SHLD2: variants seen among roughly 807,000 people sequenced by gnomAD.
SHLD2 encodes shieldin complex subunit 2.
A neutral mutation model predicts 73.2 loss-of-function variants in SHLD2; 30 were observed. That is an observed-to-expected ratio of 0.41 (90% CI 0.31 to 0.56). SHLD2 has a LOEUF of 0.56. Among genes scored for constraint, SHLD2 ranks in the 20% least tolerant of loss-of-function variants. SHLD2 has a pLI of 0.28. For synonymous variants in SHLD2, 285 were observed against 370.1 expected, an observed-to-expected ratio of 0.77 and a Z score of 2.64; for missense variants, 745 against 1,055.9, an observed-to-expected ratio of 0.71 and a Z score of 4.08.
intron 2 of SHLD2, among the ~76,000 whole-genome samples, chr10:87,123,845 G>A (rs1185690719): frequency 1.3e-5 from 2 of 152,166 alleles, no homozygotes; most frequent in African/African-American, 4.8e-5. Flanking sequence ...TTAGTTTGAG[G>A]ATAGTTATCT....
chr10:87,132,659 A>G (rs905221623), intron 2 of SHLD2, among the ~76,000 whole-genome samples: 5 of 152,040 alleles, frequency 3.3e-5, no homozygotes, highest in South Asian at 2.1e-4. Context: ...CTGTACTCCT[A>G]GCTACTTGCG....
At chr10:87,097,069 C>A (rs1186224206) in intron 2 of SHLD2, 80 bp downstream of exon 2, 1 of 152,100 alleles carries the variant, frequency 6.6e-6, no homozygotes, top group East Asian at 1.9e-4. Context: ...AAAAAACCCA[C>A]GGAGTTTCAG....
chr10:87,151,771 A>G lies in SHLD2; in HGVS notation c.417A>G (p.Gln139=). ...VPHFTEEEKY[Q]KLLSENKIRD... ...ATTTCACCGAAGAAGAAAAGTATCA[A>G]AAGCTTCTCAGTGAAAATAAAATTA... Residue 139 remains glutamine (Q), a synonymous_variant, in exon 3 of 10, where the codon CAA becomes CAG. Coordinates refer to ENST00000298786, the MANE Select transcript of SHLD2 (RefSeq NM_001330112.2). 2 of 1,612,020 alleles carry G rather than the reference A, an allele frequency of 1.2e-6. No homozygotes were observed. The highest frequency in any genetic ancestry group is 8.5e-7 in the Non-Finnish European group (1 of 1,179,860).
chr10:87,132,471 A>G (rs1844497271), intron 2 of SHLD2, among the ~76,000 whole-genome samples: 1 of 152,194 alleles, frequency 6.6e-6, no homozygotes, highest in Non-Finnish European at 1.5e-5. Context: ...ATTTGTTGTT[A>G]TTAATATTAA....
chr10:87,188,724 G>C (rs759814573), intron 9 of SHLD2, among the ~76,000 whole-genome samples: 8 of 152,132 alleles, frequency 5.3e-5, no homozygotes, highest in Non-Finnish European at 1.0e-4. Flanking sequence ...CTGTGCTCCT[G>C]TTCCATCTCC....
chr10:87,180,919 CAA>C (rs1260249879), intron 8 of SHLD2, among the ~76,000 whole-genome samples: 1 of 152,058 alleles, frequency 6.6e-6, no homozygotes, highest in African/African-American at 2.4e-5. Context: ...ATCTAAAAAC[CAA>C]ATTCAGATAT....
intron 2 of SHLD2, among the ~76,000 whole-genome samples, chr10:87,097,258 G>A (rs147659436): frequency 4.6e-5 from 7 of 152,260 alleles, no homozygotes; most frequent in African/African-American, 1.7e-4. Context: ...TTGTTCACCT[G>A]AATTCAAGAA....
At chr10:87,142,909 CTTTTTATTTTTACT>C (rs1845301426) in intron 2 of SHLD2, among the ~76,000 whole-genome samples, 1 of 141,188 alleles carries the variant, frequency 7.1e-6, no homozygotes, top group African/African-American at 2.6e-5. Context: ...AAATTCAGTC[CTTTTTATTTTTACT>C]TTTTTTTTTT....
chr10:87,096,266 A>G (rs1045516533), intron 1 of SHLD2, among the ~76,000 whole-genome samples: 1 of 152,056 alleles, frequency 6.6e-6, no homozygotes, highest in African/African-American at 2.4e-5. Flanking sequence ...GCTGGTCTCC[A>G]ACGCCTGACC....
chr10:87,154,093 A>G (rs1207629567), intron 3 of SHLD2: 1 of 152,206 alleles, frequency 6.6e-6, no homozygotes, highest in Non-Finnish European at 1.5e-5. Flanking sequence ...CCTGGGCTCA[A>G]TTGATCCTCC....
rs1220737548 is a variant in SHLD2 at position 87,120,960 on chromosome 10, G to T, written c.-6+23971G>T. On this transcript the variant is annotated intron_variant, in intron 2 of 9. Transcript: ENST00000298786. ...AGCTACTTGGGAGGCTGAGGCAGGA[G>T]AATTGCTTGAACCCGGGAGGCAGAG... Among the ~76,000 whole-genome samples the T allele has an allele frequency of 7.9e-5, 12 of 152,150 alleles. No individual in the cohort carries two copies. The East Asian group carries it at 2.4e-3, about 30-fold the overall frequency.
At position 87,151,360 on chromosome 10, in the gene SHLD2, T is replaced by G. The variant is rs1845999287; in HGVS notation, c.6T>G (p.Ser2Arg). The G allele has an allele frequency of 1.9e-6, 3 of 1,541,480 alleles. No homozygotes were observed. Among genetic ancestry groups the G allele is most frequent in the Non-Finnish European group, 2.6e-6 (3 of 1,147,966 alleles). M[S>R]GGSQVHIFWG... Reference sequence around the variant, plus strand: ...TTTCATTTTTATCAGAAATCATGAGTGGAGGATCTCAAGTCCACATTTTTT... The same window carrying G: ...TTTCATTTTTATCAGAAATCATGAGGGGAGGATCTCAAGTCCACATTTTTT... The change falls in exon 3 of 10, where the codon AGT becomes AGG. Residue 2 changes from serine to arginine, a missense_variant. Ser to Arg is a moderately radical substitution (Grantham distance 110, BLOSUM62 -1). Coordinates refer to ENST00000298786, the MANE Select transcript of SHLD2 (RefSeq NM_001330112.2).
At chr10:87,132,366 G>A (rs1458080408) in intron 2 of SHLD2, among the ~76,000 whole-genome samples, 3 of 152,190 alleles carry the variant, frequency 2.0e-5, no homozygotes, top group African/African-American at 7.2e-5. Flanking sequence ...GACAGAAAGG[G>A]AAGTTGGCCT....
At chr10:87,156,940 G>A (rs1278716704) in intron 3 of SHLD2, among the ~76,000 whole-genome samples, 1 of 152,106 alleles carries the variant, frequency 6.6e-6, no homozygotes, top group Non-Finnish European at 1.5e-5. Flanking sequence ...GGTTGCAGGC[G>A]GGACAAGCAC....
Position 87,175,889 on chromosome 10 carries a change from G to C in SHLD2, c.1964G>C (p.Gly655Ala). ...AWYPQLQRKK[G>A]YIWEFKYLFV... ...TTTTGTTTTTACTGTTTTTTTTAAG[G>C]TTATATTTGGGAATTTAAATATCTT... The change falls in exon 7 of 10, where the codon GGT becomes GCT. Residue 655 changes from glycine to alanine, a missense_variant and splice_region_variant. Physicochemically the swap from Gly to Ala is moderately conservative, Grantham distance 60. Transcript: ENST00000298786. 6.5e-7 allele frequency: 1 copy of C among 1,548,540 alleles called. No homozygotes were observed. Among genetic ancestry groups the C allele is most frequent in the Non-Finnish European group, 8.7e-7 (1 of 1,146,180 alleles).
chr10:87,097,155 A>G (rs914331015), intron 2 of SHLD2, among the ~76,000 whole-genome samples, 166 bp downstream of exon 2: 1 of 152,252 alleles, frequency 6.6e-6, no homozygotes, highest in Admixed American at 6.5e-5. Context: ...GTTCTGAGGA[A>G]AAATCTTTAA....
chr10:87,104,841 A>C lies in SHLD2; in HGVS notation c.-6+7852A>C, dbSNP rs367641534. On this transcript the variant is annotated intron_variant, in intron 2 of 9. Transcript: ENST00000298786. ...ACGCCCGCCTAATTTTTGTACTTTCAGTAGAGATGAGGTTTCACCATGTTG... is the reference window on the plus strand; with the variant it reads ...ACGCCCGCCTAATTTTTGTACTTTCCGTAGAGATGAGGTTTCACCATGTTG... 9.2e-5 allele frequency among the ~76,000 whole-genome samples: 14 copies of C among 151,932 alleles called. No individual in the cohort carries two copies. The East Asian group carries it at 1.4e-3, about 15-fold the overall frequency.
chr10:87,175,244 T>C (rs921214998), intron 6 of SHLD2, among the ~76,000 whole-genome samples: 1 of 152,152 alleles, frequency 6.6e-6, no homozygotes, highest in Non-Finnish European at 1.5e-5. Flanking sequence ...TAGACTTGGG[T>C]TCATTTCAGT....
intron 2 of SHLD2, among the ~76,000 whole-genome samples, chr10:87,102,637 A>T (rs894977789): frequency 1.3e-5 from 2 of 152,108 alleles, no homozygotes; most frequent in South Asian, 4.1e-4. Context: ...TGAATTCAGG[A>T]GGTGGATGTT....
Sources: gnomAD v4.1 joint callset for allele counts (sites outside exome capture counted in the v4.1 genomes callset) on GRCh38, gnomAD v4.1.1 for gene constraint, MANE v1.5 for transcripts, NCBI Gene and HGNC (gene_info 2026-07-23, HGNC 2026-07-21) for gene names.